Variants in XNDC1N observed in about 807,000 individuals in gnomAD.
XNDC1N encodes XRCC1 N-terminal domain containing 1, N-terminal like.
the XNDC1N span, among the ~76,000 whole-genome samples, chr11:71,900,357 C>G: frequency 4.1e-3 from 589 of 144,500 alleles, 3 homozygotes; most frequent in African/African-American, 0.012. Context: ...ATACCCACAG[C>G]TGTGGAGGGG....
At chr11:71,896,561 GGTTTTTT>G in the XNDC1N span, among the ~76,000 whole-genome samples, 1 of 152,188 alleles carries the variant, frequency 6.6e-6, no homozygotes, top group South Asian at 2.1e-4. Context: ...AAATCATGCT[GGTTTTTT>G]GTTTTTTGTT....
chr11:71,890,706 G>A, the XNDC1N span, among the ~76,000 whole-genome samples: 1 of 151,910 alleles, frequency 6.6e-6, no homozygotes, highest in African/African-American at 2.4e-5. Context: ...ATATTTGGAG[G>A]AATATCATCG....
chr11:71,869,783 C>CAA, the XNDC1N span, among the ~76,000 whole-genome samples: 1 of 152,214 alleles, frequency 6.6e-6, no homozygotes, highest in Admixed American at 6.5e-5. Context: ...TGAGGAACTA[C>CAA]TGCAGTCCCT....
At chr11:71,899,687 C>T in the XNDC1N span, among the ~76,000 whole-genome samples, 1 of 152,226 alleles carries the variant, frequency 6.6e-6, no homozygotes, top group African/African-American at 2.4e-5. Context: ...TGGAAAGCCG[C>T]AGGGAGCCCT....
chr11:71,878,387 A>T, the XNDC1N span: 9 of 1,569,456 alleles, frequency 5.7e-6, no homozygotes, highest in African/African-American at 1.1e-4. Context: ...CAGAGGACTG[A>T]ATGTACACAG....
At chr11:71,917,969 C>G in the XNDC1N span, among the ~76,000 whole-genome samples, 10 of 152,320 alleles carry the variant, frequency 6.6e-5, no homozygotes, top group Non-Finnish European at 1.3e-4. Context: ...CAATGTCACA[C>G]GTTCACCATG....
At chr11:71,888,645 C>A in the XNDC1N span, among the ~76,000 whole-genome samples, 2 of 152,176 alleles carry the variant, frequency 1.3e-5, no homozygotes, top group South Asian at 2.1e-4. Context: ...AAAGGATGGC[C>A]CCCCTGTTGG....
At chr11:71,889,248 A>G in the XNDC1N span, among the ~76,000 whole-genome samples, 1 of 152,256 alleles carries the variant, frequency 6.6e-6, no homozygotes, top group South Asian at 2.1e-4. Context: ...ATTCTAGGGA[A>G]GAGACAGAAA....
the XNDC1N span, among the ~76,000 whole-genome samples, chr11:71,895,885 C>A: frequency 6.6e-6 from 1 of 152,186 alleles, no homozygotes; most frequent in Non-Finnish European, 1.5e-5. Context: ...CTCTCCACTG[C>A]AGACAAAATG....
the XNDC1N span, among the ~76,000 whole-genome samples, chr11:71,897,630 G>A: frequency 4.5e-3 from 690 of 152,012 alleles, 6 homozygotes; most frequent in African/African-American, 0.016. Context: ...AAACCGTGAA[G>A]GAGTGGGGGA....
At chr11:71,920,125 T>C in the XNDC1N span, among the ~76,000 whole-genome samples, 2 of 138,242 alleles carry the variant, frequency 1.4e-5, no homozygotes, top group Admixed American at 1.5e-4. Context: ...GCCCAGCTAA[T>C]TTTTTTTGTA....
chr11:71,922,941 T>C, the XNDC1N span, among the ~76,000 whole-genome samples: 7 of 152,208 alleles, frequency 4.6e-5, no homozygotes, highest in Admixed American at 1.3e-4. Flanking sequence ...TTGATGCTGG[T>C]GGTAACCTCA....
the XNDC1N span, among the ~76,000 whole-genome samples, chr11:71,868,081 T>A: frequency 2.0e-5 from 3 of 152,336 alleles, no homozygotes; most frequent in South Asian, 4.2e-4. Context: ...GCTTAAAGTC[T>A]GTTTTGTCAG....
At chr11:71,899,494 G>T in the XNDC1N span, among the ~76,000 whole-genome samples, 2 of 152,228 alleles carry the variant, frequency 1.3e-5, no homozygotes, top group African/African-American at 2.4e-5. Context: ...TTAATGTGTA[G>T]ATTTGCCCCA....
At chr11:71,897,625 G>A in the XNDC1N span, among the ~76,000 whole-genome samples, 4 of 152,038 alleles carry the variant, frequency 2.6e-5, no homozygotes, top group Non-Finnish European at 2.9e-5. Flanking sequence ...ATGTAAAACC[G>A]TGAAGGAGTG....
At chr11:71,918,788 C>A in the XNDC1N span, 2 of 651,456 alleles carry the variant, frequency 3.1e-6, no homozygotes, top group South Asian at 3.4e-5. Flanking sequence ...ATAAAGGCTG[C>A]TCAGCCAGAA....
At chr11:71,908,790 C>T in the XNDC1N span, among the ~76,000 whole-genome samples, 397 of 152,284 alleles carry the variant, frequency 2.6e-3, no homozygotes, top group Non-Finnish European at 4.1e-3. Flanking sequence ...GGAGAGTCCT[C>T]AAGCAGCAAC....
At chr11:71,899,858 G>T in the XNDC1N span, among the ~76,000 whole-genome samples, 2,383 of 152,170 alleles carry the variant, frequency 0.016, no homozygotes, top group African/African-American at 0.055. Context: ...GCAGTTGAGA[G>T]AGAGGAAGGC....
the XNDC1N span, among the ~76,000 whole-genome samples, chr11:71,920,595 G>A: frequency 2.0e-5 from 3 of 152,164 alleles, no homozygotes; most frequent in Non-Finnish European, 4.4e-5. Flanking sequence ...GTGAGCCACC[G>A]TGCCCGGCCA....
Sources: gnomAD v4.1 joint callset for allele counts (sites outside exome capture counted in the v4.1 genomes callset) on GRCh38, gnomAD v4.1.1 for gene constraint, MANE v1.5 for transcripts, NCBI Gene and HGNC (gene_info 2026-07-23, HGNC 2026-07-21) for gene names.